Variants in LSAMP observed in about 807,000 individuals in gnomAD.
LSAMP encodes the protein limbic system associated membrane protein, also known as limbic system-associated membrane protein.
LSAMP carries 7 observed loss-of-function variants against 38.6 expected under a neutral mutation model. That is an observed-to-expected ratio of 0.18 (90% CI 0.10 to 0.34). LSAMP has a LOEUF of 0.34. Among genes scored for constraint, LSAMP ranks in the 10% least tolerant of loss-of-function variants. LSAMP has a pLI of 1.00. For synonymous variants in LSAMP, 154 were observed against 166.8 expected (o/e 0.92, Z 0.59); for missense variants, 313 against 420.0 (o/e 0.75, Z 2.23).
At chr3:116,288,597 G>A (rs2047221804) in intron 1 of LSAMP, among the ~76,000 whole-genome samples, 2 of 152,186 alleles carry the variant, frequency 1.3e-5, no homozygotes, top group Admixed American at 1.3e-4. Context: ...CCCTCACAAA[G>A]TCAGAAGGTT....
chr3:116,257,305 C>CA (rs753756611), intron 1 of LSAMP, among the ~76,000 whole-genome samples: 1 of 152,148 alleles, frequency 6.6e-6, no homozygotes, highest in Non-Finnish European at 1.5e-5. Context: ...GAGGTGAAGG[C>CA]ATGAATAATA....
rs149369697 is a variant in LSAMP at position 115,810,603 on chromosome 3, T to A, written c.920-189A>T. Reference sequence around the variant, plus strand: ...ATCCTTCTCCTCCTTGGGCTACAAGTATCCTAAGGGGCATCATTGGCTGAA... The same window carrying A: ...ATCCTTCTCCTCCTTGGGCTACAAGAATCCTAAGGGGCATCATTGGCTGAA... On this transcript the variant is annotated intron_variant, in intron 6 of 6. Coordinates refer to ENST00000490035, the MANE Select transcript of LSAMP (RefSeq NM_002338.5). Among the ~76,000 whole-genome samples the A allele has an allele frequency of 5.3e-5, 8 of 152,336 alleles. No homozygotes were observed. In the East Asian group the frequency reaches 1.5e-3, roughly 29 times the overall value.
chr3:116,373,082 A>T (rs889874300), intron 1 of LSAMP, among the ~76,000 whole-genome samples: 16 of 151,700 alleles, frequency 1.1e-4, no homozygotes, highest in African/African-American at 3.9e-4. Context: ...ATATTCAAAA[A>T]AATTGAAAGC....
intron 1 of LSAMP, among the ~76,000 whole-genome samples, chr3:116,377,486 G>A (rs1478043390): frequency 6.6e-6 from 1 of 151,948 alleles, no homozygotes; most frequent in African/African-American, 2.4e-5. Context: ...ATCATTGATG[G>A]GCATTTGGGT....
intron 1 of LSAMP, among the ~76,000 whole-genome samples, chr3:116,372,601 A>G (rs1229971181): frequency 6.6e-6 from 1 of 152,002 alleles, no homozygotes; most frequent in Non-Finnish European, 1.5e-5. Flanking sequence ...GCTCTGAAAG[A>G]CACTATCAAC....
intron 3 of LSAMP, among the ~76,000 whole-genome samples, chr3:115,926,971 T>G (rs1417785159): frequency 1.3e-5 from 2 of 152,212 alleles, no homozygotes; most frequent in Non-Finnish European, 2.9e-5. Flanking sequence ...TATTCTTCGC[T>G]GCATATTCAG....
intron 3 of LSAMP, among the ~76,000 whole-genome samples, chr3:115,951,845 C>CATATAT (rs139707614): frequency 6.7e-6 from 1 of 149,708 alleles, no homozygotes; most frequent in Middle Eastern, 3.2e-3. Flanking sequence ...TTAATAAAGT[C>CATATAT]ATATATATAT....
intron 1 of LSAMP, among the ~76,000 whole-genome samples, chr3:116,410,238 A>T (rs1016448103): frequency 6.6e-5 from 10 of 152,032 alleles, no homozygotes; most frequent in Middle Eastern, 3.4e-3. Flanking sequence ...GGGGGACAGA[A>T]TTTTTTTTAT....
At chr3:116,243,776 A>C (rs1563937) in intron 1 of LSAMP, among the ~76,000 whole-genome samples, 1 of 152,330 alleles carries the variant, frequency 6.6e-6, no homozygotes, top group South Asian at 2.1e-4. Context: ...GTGGCAAGGA[A>C]ATATATGGGA....
At chr3:116,400,128 T>G (rs944021872) in intron 1 of LSAMP, among the ~76,000 whole-genome samples, 3 of 152,140 alleles carry the variant, frequency 2.0e-5, no homozygotes, top group Non-Finnish European at 2.9e-5. Flanking sequence ...TCCTTGATTC[T>G]CTCATATATA....
chr3:115,873,203 C>T (rs1936093277), intron 3 of LSAMP, among the ~76,000 whole-genome samples: 1 of 151,852 alleles, frequency 6.6e-6, no homozygotes, highest in African/African-American at 2.4e-5. Flanking sequence ...AACGCTGTCT[C>T]TACCAAAAAT....
intron 3 of LSAMP, among the ~76,000 whole-genome samples, chr3:115,892,751 T>C (rs923411149): frequency 6.6e-6 from 1 of 151,264 alleles, no homozygotes; most frequent in Non-Finnish European, 1.5e-5. Flanking sequence ...ATAGCTATCA[T>C]CAAAATGGAA....
At chr3:116,150,230 G>T (rs1206513041) in intron 1 of LSAMP, among the ~76,000 whole-genome samples, 2 of 151,930 alleles carry the variant, frequency 1.3e-5, no homozygotes, top group Non-Finnish European at 2.9e-5. Flanking sequence ...AAGAAATCAA[G>T]GCCTAGGGTT....
chr3:116,379,629 C>A (rs566865457), intron 1 of LSAMP, among the ~76,000 whole-genome samples: 2 of 151,724 alleles, frequency 1.3e-5, no homozygotes, highest in South Asian at 2.1e-4. Flanking sequence ...AACAGCTGGG[C>A]CAACTGTAAA....
At chr3:116,264,833 C>G (rs1381493246) in intron 1 of LSAMP, among the ~76,000 whole-genome samples, 1 of 152,072 alleles carries the variant, frequency 6.6e-6, no homozygotes, top group African/African-American at 2.4e-5. Flanking sequence ...TCTCAAAAAA[C>G]TGAGTTTAAA....
rs1933578113 is a variant in LSAMP, at chr3:115,804,145, T to C, written c.*6172A>G. 6.6e-6 allele frequency: 1 copy of C among 152,228 alleles called. No individual in the cohort carries two copies. 9.4% of individuals were successfully genotyped at this position (152,228 alleles called of 1,614,324 possible). A position where few individuals can be genotyped will look rare whatever the true frequency, so the allele number is the denominator to read the frequency against. ...TTACAGACCCAGTCCAGAGTCCCTG[T>C]ATTCTAGCAGTTTTGGGTTTAGAAA... On this transcript the variant is annotated 3_prime_UTR_variant, in exon 7 of 7. Coordinates refer to ENST00000490035, the MANE Select transcript of LSAMP (RefSeq NM_002338.5).
intron 1 of LSAMP, among the ~76,000 whole-genome samples, chr3:116,386,534 G>A (rs909629357): frequency 6.6e-6 from 1 of 152,104 alleles, no homozygotes; most frequent in African/African-American, 2.4e-5. Context: ...GAACAGAGGT[G>A]CTATCCTAGC....
intron 1 of LSAMP, among the ~76,000 whole-genome samples, chr3:116,186,957 G>A (rs72961571): frequency 0.021 from 3,189 of 152,146 alleles, 110 homozygotes; most frequent in African/African-American, 0.071. Flanking sequence ...TTGAAGGAGG[G>A]GCAACCAGGT....
chr3:115,844,834 G>T (rs189011914), intron 4 of LSAMP, among the ~76,000 whole-genome samples: 1 of 152,060 alleles, frequency 6.6e-6, no homozygotes, highest in Admixed American at 6.5e-5. Context: ...AAAACTAGCC[G>T]GGTGTGGTGG....
Sources: allele counts gnomAD v4.1 joint callset (sites outside exome capture counted in the v4.1 genomes callset), GRCh38; gene constraint gnomAD v4.1.1; transcripts MANE v1.5; gene names NCBI Gene and HGNC (gene_info 2026-07-23, HGNC 2026-07-21).